The following GPR39 variants were observed in gnomAD, a reference collection of about 807,000 sequenced individuals.
GPR39 encodes the protein G protein-coupled receptor 39.
A neutral mutation model predicts 18.4 loss-of-function variants in GPR39; 23 were observed. That is an observed-to-expected ratio of 1.25 (90% CI 0.90 to 1.77). The LOEUF is 1.77. Ranked by LOEUF, GPR39 falls within the 40% of genes most tolerant of loss-of-function variation. GPR39 has a pLI of 0.00. For synonymous variants in GPR39, 280 were observed against 257.9 expected, an observed-to-expected ratio of 1.09 and a Z score of -0.82; for missense variants, 647 against 602.4, an observed-to-expected ratio of 1.07 and a Z score of -0.78.
chr2:132,597,479 C>A (rs1350116339), intron 1 of GPR39, among the ~76,000 whole-genome samples: 28 of 152,174 alleles, frequency 1.8e-4, no homozygotes, highest in Admixed American at 1.8e-3. Flanking sequence ...GAATTTACTT[C>A]ATGTAGGGGA....
intron 1 of GPR39, among the ~76,000 whole-genome samples, chr2:132,521,320 T>C (rs962359144): frequency 3.9e-5 from 6 of 152,214 alleles, no homozygotes; most frequent in African/African-American, 1.2e-4. Context: ...GGCGGGCAAC[T>C]GGCATTAACA....
intron 1 of GPR39, among the ~76,000 whole-genome samples, chr2:132,515,155 G>A (rs1285631597): frequency 6.6e-6 from 1 of 152,198 alleles, no homozygotes; most frequent in Non-Finnish European, 1.5e-5. Flanking sequence ...TGTGACTTCA[G>A]CAAGTCACCA....
At chr2:132,457,695 A>C (rs1680755281) in intron 1 of GPR39, among the ~76,000 whole-genome samples, 2 of 152,374 alleles carry the variant, frequency 1.3e-5, no homozygotes, top group African/African-American at 4.8e-5. Flanking sequence ...TTAAGTCTGC[A>C]GAAGTTGTCT....
At chr2:132,453,753 C>A (rs949716306) in intron 1 of GPR39, among the ~76,000 whole-genome samples, 1 of 152,124 alleles carries the variant, frequency 6.6e-6, no homozygotes, top group Admixed American at 6.6e-5. Flanking sequence ...TTCCCCATTT[C>A]TTGTTTTTGT....
At chr2:132,472,910 A>G (rs1411369806) in intron 1 of GPR39, among the ~76,000 whole-genome samples, 1 of 151,994 alleles carries the variant, frequency 6.6e-6, no homozygotes, top group African/African-American at 2.4e-5. Context: ...CGTGGCCTTG[A>G]TTAAGAACTC....
chr2:132,614,566 C>T (rs2104853560), intron 1 of GPR39, among the ~76,000 whole-genome samples: 1 of 149,264 alleles, frequency 6.7e-6, no homozygotes, highest in Non-Finnish European at 1.5e-5. Flanking sequence ...TTAAAAGTCT[C>T]TTGAGATGGA....
intron 1 of GPR39, among the ~76,000 whole-genome samples, chr2:132,537,134 A>C (rs980702041): frequency 6.6e-6 from 1 of 152,120 alleles, no homozygotes; most frequent in Non-Finnish European, 1.5e-5. Flanking sequence ...GTTATTTTGC[A>C]CACTAGTTGA....
chr2:132,501,054 G>GTTTTTTTTTTTTTTTTTTTGT (rs1679022477), intron 1 of GPR39, among the ~76,000 whole-genome samples: 11 of 90,284 alleles, frequency 1.2e-4, no homozygotes, highest in Non-Finnish European at 1.8e-4. Context: ...TATCTTTTGT[G>GTTTTTTTTTTTTTTTTTTTGT]TTTTTTTTTT....
chr2:132,437,537 G>A (rs922135698), intron 1 of GPR39, among the ~76,000 whole-genome samples: 1 of 152,142 alleles, frequency 6.6e-6, no homozygotes, highest in African/African-American at 2.4e-5. Flanking sequence ...TGTCATGTCT[G>A]GGCCTGTGGG....
intron 1 of GPR39, among the ~76,000 whole-genome samples, chr2:132,534,700 G>A (rs1033700752): frequency 6.6e-6 from 1 of 151,984 alleles, no homozygotes. Flanking sequence ...GGACATGGAT[G>A]AAGCTGGAAA....
At chr2:132,442,385 T>C (rs1386314058) in intron 1 of GPR39, among the ~76,000 whole-genome samples, 1 of 152,082 alleles carries the variant, frequency 6.6e-6, no homozygotes, top group Non-Finnish European at 1.5e-5. Context: ...TGAGTCCTTA[T>C]GGCTGGGCGT....
At chr2:132,616,145 T>G (rs1254948564) in intron 1 of GPR39, among the ~76,000 whole-genome samples, 2 of 152,082 alleles carry the variant, frequency 1.3e-5, no homozygotes, top group Non-Finnish European at 2.9e-5. Context: ...TAAGAGACTT[T>G]TATATGTGGG....
chr2:132,498,452 C>T (rs1272030187), intron 1 of GPR39, among the ~76,000 whole-genome samples: 1 of 152,130 alleles, frequency 6.6e-6, no homozygotes. Context: ...TATTTATATA[C>T]CACATTTTCT....
At chr2:132,452,566 T>A (rs1482178376) in intron 1 of GPR39, among the ~76,000 whole-genome samples, 1 of 152,100 alleles carries the variant, frequency 6.6e-6, no homozygotes, top group Non-Finnish European at 1.5e-5. Flanking sequence ...CCATGTTGGT[T>A]TGCTGCACCA....
At chr2:132,643,013 T>C (rs1681886667) in intron 1 of GPR39, among the ~76,000 whole-genome samples, 2 of 152,156 alleles carry the variant, frequency 1.3e-5, no homozygotes, top group African/African-American at 4.8e-5. Flanking sequence ...GAACTTAAGA[T>C]GAATTTGGAA....
intron 1 of GPR39, among the ~76,000 whole-genome samples, chr2:132,493,362 A>T (rs1330435724): frequency 1.4e-5 from 2 of 144,964 alleles, no homozygotes; most frequent in Non-Finnish European, 3.1e-5. Context: ...TACCACATAT[A>T]TACACTATAT....
intron 1 of GPR39, among the ~76,000 whole-genome samples, chr2:132,535,606 CAGTTGTTTGGAAT>C (rs1271654181): frequency 2.6e-5 from 4 of 151,706 alleles, no homozygotes; most frequent in Non-Finnish European, 5.9e-5. Flanking sequence ...CCCTCCTTTT[CAGTTGTTTGGAAT>C]AGTTTCAGAA....
At chr2:132,463,152 A>G (rs1680864066) in intron 1 of GPR39, among the ~76,000 whole-genome samples, 1 of 152,236 alleles carries the variant, frequency 6.6e-6, no homozygotes, top group African/African-American at 2.4e-5. Context: ...GCTGGGGCTT[A>G]GTGTGAAAGT....
intron 1 of GPR39, among the ~76,000 whole-genome samples, chr2:132,525,903 A>T (rs748679257): frequency 2.0e-5 from 3 of 152,224 alleles, no homozygotes; most frequent in Non-Finnish European, 4.4e-5. Flanking sequence ...AGTGCCTGAG[A>T]TAAATGCTCC....
Sources: gnomAD v4.1 joint callset for allele counts (sites outside exome capture counted in the v4.1 genomes callset) on GRCh38, gnomAD v4.1.1 for gene constraint, MANE v1.5 for transcripts, NCBI Gene and HGNC (gene_info 2026-07-23, HGNC 2026-07-21) for gene names.